DOCK9: variants seen among roughly 807,000 people sequenced by gnomAD.
The protein encoded by DOCK9 is dedicator of cytokinesis 9, also known as dedicator of cytokinesis protein 9.
DOCK9 carries 89 observed loss-of-function variants against 263.3 expected under a neutral mutation model. That is an observed-to-expected ratio of 0.34 (90% CI 0.28 to 0.40). The LOEUF (loss-of-function observed/expected upper bound fraction) is 0.40. Ranked by LOEUF, DOCK9 falls within the 10% of genes least tolerant of loss-of-function variation. The pLI is 1.00. For missense variants in DOCK9, 2,140 were observed against 2,603.4 expected (o/e 0.82, Z 3.87); for synonymous variants, 976 against 973.1 (o/e 1.00, Z -0.06).
chr13:98,925,737 T>C (rs1595375505), intron 4 of DOCK9, 100 bp downstream of exon 4: 32 of 748,536 alleles, frequency 4.3e-5, no homozygotes, highest in Non-Finnish European at 6.4e-5. Flanking sequence ...TCTAAAAATA[T>C]TTTCCTCAAT....
At chr13:98,978,683 G>C (rs1876016057), upstream of DOCK9, among the ~76,000 whole-genome samples, 1 of 152,152 alleles carries the variant, frequency 6.6e-6, no homozygotes, top group Non-Finnish European at 1.5e-5. Flanking sequence ...GGTACCCCCA[G>C]TACTAGGTGC....
intron 1 of DOCK9, among the ~76,000 whole-genome samples, chr13:99,062,010 C>A (rs1376204944): frequency 1.3e-5 from 2 of 152,106 alleles, no homozygotes; most frequent in East Asian, 3.9e-4. Flanking sequence ...TAGCTGGAAT[C>A]ACAGTCACAT....
chr13:98,849,010 T>G (rs1369418682), intron 36 of DOCK9, among the ~76,000 whole-genome samples: 2 of 152,236 alleles, frequency 1.3e-5, no homozygotes, highest in Non-Finnish European at 2.9e-5. Context: ...AAGTTACTTA[T>G]TCATCCTCAT....
intron 27 of DOCK9, among the ~76,000 whole-genome samples, chr13:98,879,641 G>A (rs1289196426): frequency 6.6e-6 from 1 of 152,160 alleles, no homozygotes; most frequent in African/African-American, 2.4e-5. Context: ...TCAAAACCTG[G>A]CTGCTCCACT....
intron 46 of DOCK9, among the ~76,000 whole-genome samples, chr13:98,809,897 T>A (rs1295474985): frequency 6.6e-6 from 1 of 152,164 alleles, no homozygotes; most frequent in Non-Finnish European, 1.5e-5. Flanking sequence ...CACAAAACTC[T>A]GTTCATGGCA....
At chr13:99,021,694 T>G (rs754504693) in intron 1 of DOCK9, among the ~76,000 whole-genome samples, 12 of 145,286 alleles carry the variant, frequency 8.3e-5, no homozygotes, top group Non-Finnish European at 1.5e-4. Flanking sequence ...GAAAAAAGAG[T>G]TAAGATAGCT....
intron 29 of DOCK9, 82 bp downstream of exon 29, chr13:98,867,845 TA>T (rs550131112): frequency 0.16 from 133,034 of 851,530 alleles, 37 homozygotes; most frequent in South Asian, 0.26. Context: ...GGCAGAGCTT[TA>T]AAAAAAAAAA....
At chr13:98,969,428 A>T (rs2059510691) in intron 1 of DOCK9, among the ~76,000 whole-genome samples, 1 of 151,814 alleles carries the variant, frequency 6.6e-6, no homozygotes, top group African/African-American at 2.4e-5. Flanking sequence ...CATTCCCCAA[A>T]GAGTCACCAG....
chr13:98,860,231 G>A, intron 33 of DOCK9, 174 bp downstream of exon 33: 1 of 1,445,054 alleles, frequency 6.9e-7, no homozygotes, highest in Admixed American at 2.7e-5. Context: ...TTTATTTCAG[G>A]GCATGGCTGA....
chr13:98,826,712 A>T, intron 44 of DOCK9, 118 bp downstream of exon 44: 1 of 783,276 alleles, frequency 1.3e-6, no homozygotes, highest in Non-Finnish European at 2.0e-6. Context: ...AACAACGAAT[A>T]CACTTCACAA....
chr13:99,015,887 T>C lies in DOCK9; in HGVS notation c.130-60336A>G, dbSNP rs180744628. On this transcript the variant is annotated intron_variant, in intron 1 of 32. Coordinates refer to the DOCK9 transcript ENST00000427887. ...ACCTTTAAAGTATCGTTTTTCTAGC[T>C]GATTGCTTCACTCTTAATACCAAAG... 1.2e-4 allele frequency: 86 copies of C among 690,082 alleles called. No homozygotes were observed. The East Asian group carries it at 4.7e-3, about 38-fold the overall frequency. The allele number at this position is 690,082 out of a possible 1,614,324, so 42.7% of individuals were successfully genotyped here.
upstream of DOCK9, among the ~76,000 whole-genome samples, chr13:98,980,135 T>C (rs959949154): frequency 3.9e-5 from 6 of 152,248 alleles, no homozygotes; most frequent in Non-Finnish European, 1.5e-5. Context: ...AGGATCTTCC[T>C]GCCTAAGCCC....
chr13:98,986,149 C>T (rs751048896), intron 1 of DOCK9, among the ~76,000 whole-genome samples: 1 of 152,230 alleles, frequency 6.6e-6, no homozygotes, highest in Non-Finnish European at 1.5e-5. Flanking sequence ...CCCAAAGCAA[C>T]CTAGCGGAAA....
chr13:98,962,880 G>T (rs555585313), intron 1 of DOCK9, among the ~76,000 whole-genome samples: 1 of 152,284 alleles, frequency 6.6e-6, no homozygotes, highest in South Asian at 2.1e-4. Context: ...CCACAGCTGG[G>T]GGTGGGCGAT....
chr13:99,024,908 A>C (rs1307747923), intron 1 of DOCK9, among the ~76,000 whole-genome samples: 1 of 152,244 alleles, frequency 6.6e-6, no homozygotes, highest in African/African-American at 2.4e-5. Context: ...GTCAGGTTAA[A>C]TGGAACTAAA....
At chr13:98,801,902 C>A (rs1211946221) in intron 49 of DOCK9, among the ~76,000 whole-genome samples, 2 of 152,216 alleles carry the variant, frequency 1.3e-5, no homozygotes, top group Non-Finnish European at 2.9e-5. Flanking sequence ...ATGTCACGTA[C>A]TTATAGGCCT....
At chr13:99,081,001 G>A (rs563891997) in intron 1 of DOCK9, among the ~76,000 whole-genome samples, 2 of 152,322 alleles carry the variant, frequency 1.3e-5, no homozygotes, top group South Asian at 4.1e-4. Flanking sequence ...CCTCCTGACA[G>A]TGTACTAATA....
intron 48 of DOCK9, among the ~76,000 whole-genome samples, chr13:98,805,829 T>G (rs2090637645): frequency 6.6e-6 from 1 of 152,190 alleles, no homozygotes. Flanking sequence ...TGGCGCGATC[T>G]CAGCTACTGC....
Position 99,086,318 on chromosome 13 carries a change from C to A in DOCK9, c.34G>T (p.Glu12Ter). 6.8e-7 allele frequency: 1 copy of A among 1,476,436 alleles called. No individual in the cohort carries two copies. The highest frequency in any genetic ancestry group is 8.9e-7 in the Non-Finnish European group (1 of 1,119,144). The allele number at this position is 1,476,436 out of a possible 1,614,324, so 91.5% of individuals were successfully genotyped here. A position where few individuals can be genotyped will look rare whatever the true frequency, so the allele number is the denominator to read the frequency against. Residue 12 changes from glutamate to a stop codon, truncating the protein, a stop_gained, in exon 1 of 33, where the codon GAG becomes TAG. Transcript: ENST00000427887. LOFTEE classifies it high-confidence loss of function. ...AGCGCCCGGGTGAACTTCCGAGTCTCCGCCGAGGCGGGGAGCAGCGGCGGC... is the reference window on the plus strand; with the variant it reads ...AGCGCCCGGGTGAACTTCCGAGTCTACGCCGAGGCGGGGAGCAGCGGCGGC...
Sources: gnomAD v4.1 joint callset for allele counts (sites outside exome capture counted in the v4.1 genomes callset) on GRCh38, gnomAD v4.1.1 for gene constraint, MANE v1.5 for transcripts, NCBI Gene and HGNC (gene_info 2026-07-23, HGNC 2026-07-21) for gene names.